LRFN5: variants seen among roughly 807,000 people sequenced by gnomAD.
LRFN5 encodes the protein leucine-rich repeat and fibronectin type-III domain-containing protein 5.
In LRFN5, 24 loss-of-function variants were observed where a neutral mutation model predicts 45.6. The ratio of observed to expected loss-of-function variants is 0.53; its 90% confidence interval spans 0.38 to 0.74. The LOEUF is 0.74. LRFN5 is among the 30% of genes least tolerant of loss of function. LRFN5 has a pLI of 0.00. For missense variants in LRFN5, 776 were observed against 861.5 expected, an observed-to-expected ratio of 0.90 and a Z score of 1.24; for synonymous variants, 340 against 313.8, an observed-to-expected ratio of 1.08 and a Z score of -0.88.
chr14:41,629,109 C>CAAA (rs147563801), intron 1 of LRFN5, among the ~76,000 whole-genome samples: 2 of 151,476 alleles, frequency 1.3e-5, no homozygotes, highest in African/African-American at 4.9e-5. Flanking sequence ...TCTACATTTG[C>CAAA]AAAAAAAATA....
intron 4 of LRFN5, chr14:41,894,650 T>C (rs184715459): frequency 1.0e-6 from 1 of 981,094 alleles, no homozygotes. Flanking sequence ...GACTGAAAAG[T>C]AAGTCTACAG....
At chr14:41,855,708 A>G (rs1438739168) in intron 2 of LRFN5, among the ~76,000 whole-genome samples, 2 of 152,146 alleles carry the variant, frequency 1.3e-5, no homozygotes, top group Non-Finnish European at 2.9e-5. Flanking sequence ...ATTTGAATAA[A>G]TGTTTAACGA....
chr14:41,710,361 A>C (rs2138744805), intron 1 of LRFN5, among the ~76,000 whole-genome samples: 1 of 152,282 alleles, frequency 6.6e-6, no homozygotes, highest in African/African-American at 2.4e-5. Context: ...TTACTTCAGG[A>C]ATAAGTTTTT....
chr14:41,825,722 T>C (rs901635535), intron 2 of LRFN5, among the ~76,000 whole-genome samples: 1 of 152,192 alleles, frequency 6.6e-6, no homozygotes, highest in Non-Finnish European at 1.5e-5. Flanking sequence ...CTCAGTATAG[T>C]GCCTGCCACC....
intron 1 of LRFN5, among the ~76,000 whole-genome samples, chr14:41,644,793 T>C (rs1042731507): frequency 6.6e-6 from 1 of 152,220 alleles, no homozygotes; most frequent in Admixed American, 6.5e-5. Flanking sequence ...TCAGAACAGA[T>C]GGATGCAGAA....
chr14:41,715,947 C>G (rs932468748), intron 1 of LRFN5, among the ~76,000 whole-genome samples: 1 of 151,272 alleles, frequency 6.6e-6, no homozygotes, highest in Non-Finnish European at 1.5e-5. Flanking sequence ...TCAGGCGTTT[C>G]CATACATCTT....
intron 1 of LRFN5, among the ~76,000 whole-genome samples, chr14:41,729,031 A>G (rs1884055626): frequency 1.3e-5 from 2 of 152,164 alleles, no homozygotes; most frequent in Admixed American, 1.3e-4. Context: ...TGAAACCCAG[A>G]ACCAAGGTTT....
intron 2 of LRFN5, among the ~76,000 whole-genome samples, chr14:41,816,723 C>T (rs1887931516): frequency 6.6e-6 from 1 of 151,966 alleles, no homozygotes. Flanking sequence ...TATTCTGTAG[C>T]TTGAAAATGA....
chr14:41,619,656 A>G (rs961181934), intron 1 of LRFN5, among the ~76,000 whole-genome samples: 30 of 152,060 alleles, frequency 2.0e-4, no homozygotes, highest in Non-Finnish European at 3.7e-4. Flanking sequence ...AGTAAATTCT[A>G]AAATAACTAG....
intron 1 of LRFN5, among the ~76,000 whole-genome samples, chr14:41,666,494 A>T (rs969748943): frequency 2.6e-5 from 4 of 152,140 alleles, no homozygotes; most frequent in Non-Finnish European, 5.9e-5. Context: ...CTCCTGCTAA[A>T]TGGCAAAATG....
chr14:41,753,096 G>A (rs1473710057), intron 1 of LRFN5, among the ~76,000 whole-genome samples: 1 of 152,082 alleles, frequency 6.6e-6, no homozygotes, highest in Non-Finnish European at 1.5e-5. Flanking sequence ...CATTATTTCT[G>A]AGGGCTCTGT....
chr14:41,762,030 G>T (rs1165285836), intron 1 of LRFN5, among the ~76,000 whole-genome samples: 1 of 150,290 alleles, frequency 6.7e-6, no homozygotes, highest in Non-Finnish European at 1.5e-5. Context: ...TATGTGGTGA[G>T]AATATCTTAT....
chr14:41,762,940 C>G (rs1885730505), intron 1 of LRFN5, among the ~76,000 whole-genome samples: 1 of 151,944 alleles, frequency 6.6e-6, no homozygotes, highest in Non-Finnish European at 1.5e-5. Context: ...TTATTTTGTA[C>G]TATTAGGAAT....
At chr14:41,673,141 C>T (rs983772428) in intron 1 of LRFN5, among the ~76,000 whole-genome samples, 1 of 152,070 alleles carries the variant, frequency 6.6e-6, no homozygotes, top group Non-Finnish European at 1.5e-5. Flanking sequence ...GGCAACCATC[C>T]GATTTCTCAA....
intron 1 of LRFN5, among the ~76,000 whole-genome samples, chr14:41,701,720 A>G (rs1441213624): frequency 6.6e-6 from 1 of 152,162 alleles, no homozygotes; most frequent in Non-Finnish European, 1.5e-5. Flanking sequence ...CACTTGACAC[A>G]GATCACCAAG....
intron 2 of LRFN5, among the ~76,000 whole-genome samples, chr14:41,815,756 A>G (rs933849081): frequency 1.3e-5 from 2 of 151,658 alleles, no homozygotes; most frequent in Non-Finnish European, 2.9e-5. Context: ...ATAAATAAAA[A>G]TAAATATAAA....
At chr14:41,869,992 C>A (rs1889964941) in intron 2 of LRFN5, among the ~76,000 whole-genome samples, 2 of 152,124 alleles carry the variant, frequency 1.3e-5, no homozygotes, top group South Asian at 4.1e-4. Flanking sequence ...TTTACTATGG[C>A]TGTGAAATGA....
intron 2 of LRFN5, among the ~76,000 whole-genome samples, chr14:41,872,614 G>A (rs1347868121): frequency 6.6e-6 from 1 of 152,154 alleles, no homozygotes; most frequent in Non-Finnish European, 1.5e-5. Flanking sequence ...TGGTGCTAGG[G>A]TTCCACACAT....
chr14:41,853,702 A>G (rs1225134131), intron 2 of LRFN5, among the ~76,000 whole-genome samples: 1 of 152,116 alleles, frequency 6.6e-6, no homozygotes, highest in Non-Finnish European at 1.5e-5. Context: ...TTTGGAAAAA[A>G]TAACATTATA....
Sources: allele counts gnomAD v4.1 joint callset (sites outside exome capture counted in the v4.1 genomes callset), GRCh38; gene constraint gnomAD v4.1.1; transcripts MANE v1.5; gene names NCBI Gene and HGNC (gene_info 2026-07-23, HGNC 2026-07-21).